The following NTN4 variants were observed in gnomAD, a reference collection of about 807,000 sequenced individuals.
NTN4 encodes the protein netrin-4.
NTN4 carries 32 observed loss-of-function variants against 73.6 expected under a neutral mutation model. The ratio of observed to expected loss-of-function variants is 0.44; its 90% CI spans 0.33 to 0.58. The LOEUF is 0.58. Ranked by LOEUF, NTN4 falls within the 20% of genes least tolerant of loss-of-function variation. NTN4 has a pLI of 0.04. For missense variants in NTN4, 654 were observed against 798.3 expected, an observed-to-expected ratio of 0.82 and a Z score of 2.18; for synonymous variants, 258 against 287.5, an observed-to-expected ratio of 0.90 and a Z score of 1.04.
chr12:95,758,380 G>C (rs959051979), intron 2 of NTN4, among the ~76,000 whole-genome samples: 3 of 152,120 alleles, frequency 2.0e-5, no homozygotes. Flanking sequence ...CTTCTCTGGT[G>C]AAGTGTCTGT....
chr12:95,746,332 T>G (rs376436668), intron 2 of NTN4, among the ~76,000 whole-genome samples: 1 of 152,150 alleles, frequency 6.6e-6, no homozygotes, highest in Non-Finnish European at 1.5e-5. Context: ...CCTGTAACCA[T>G]TTATCCGTTT....
chr12:95,665,792 G>A lies in NTN4; in HGVS notation c.1750+18C>T. 1.3e-6 allele frequency: 2 copies of A among 1,597,508 alleles called. No individual in the cohort carries two copies. The highest frequency in any genetic ancestry group is 1.7e-6 in the Non-Finnish European group (2 of 1,170,714). ...CAGAGACAAGGTAGGTACTAAGATAGGAAAGTCTAATACTCACCAGGATTG... is the reference window on the plus strand; with the variant it reads ...CAGAGACAAGGTAGGTACTAAGATAAGAAAGTCTAATACTCACCAGGATTG... On this transcript the variant is annotated intron_variant, in intron 9 of 9. Transcript: ENST00000343702.
Position 95,695,426 on chromosome 12 carries a change from G to A in NTN4, c.1181-11715C>T, listed in dbSNP as rs565663194. ...GTCGCCCAGGCTGGAGTGCAATGGC[G>A]TGATCTTGGTTTACTGCAACCTCCA... is the stretch of plus-strand genomic sequence containing the variant. On this transcript the variant is annotated intron_variant, in intron 5 of 9. Transcript: ENST00000343702. Among the ~76,000 whole-genome samples, 437 of 152,148 alleles carry A rather than the reference G, an allele frequency of 2.9e-3. 6 individuals carry two copies. The highest frequency in any genetic ancestry group is 0.01 in the African/African-American group (422 of 41,526).
At chr12:95,668,605 C>G (rs2078201299) in intron 8 of NTN4, among the ~76,000 whole-genome samples, 1 of 152,192 alleles carries the variant, frequency 6.6e-6, no homozygotes. Context: ...ACAATGTTAT[C>G]CAGAACCTAA....
In NTN4 at chr12:95,713,332, C is replaced by G; in HGVS notation, c.871G>C (p.Gly291Arg). The change falls in exon 4 of 10, where the codon GGG becomes CGG. Residue 291 changes from glycine to arginine, a missense_variant. Gly to Arg is a moderately radical substitution (Grantham distance 125). Coordinates refer to ENST00000343702, the MANE Select transcript of NTN4 (RefSeq NM_021229.4). ...KAPGTFHMVH[G>R]KCMCKHNTAG... ...GTGTTGTGCTTACACATACACTTCC[C>G]ATGGACCTACAAGCAACATCAAGTG... 6.3e-7 allele frequency: 1 copy of G among 1,591,092 alleles called. No homozygotes were observed. The highest frequency in any genetic ancestry group is 8.6e-7 in the Non-Finnish European group (1 of 1,162,502).
chr12:95,683,251 G>A (rs2078332987), intron 6 of NTN4, among the ~76,000 whole-genome samples: 2 of 152,068 alleles, frequency 1.3e-5, no homozygotes, highest in Non-Finnish European at 2.9e-5. Flanking sequence ...TAGTAGAGAT[G>A]GGGTTTCATC....
intron 5 of NTN4, among the ~76,000 whole-genome samples, chr12:95,686,026 T>C (rs1185156256): frequency 1.3e-5 from 2 of 152,052 alleles, no homozygotes; most frequent in Non-Finnish European, 2.9e-5. Context: ...GCTGGGACTA[T>C]GGGCACATGC....
At chr12:95,670,348 A>G in intron 7 of NTN4, 2 of 406,566 alleles carry the variant, frequency 4.9e-6, no homozygotes, top group Non-Finnish European at 8.7e-6. Flanking sequence ...CCAATAAAGT[A>G]TTCATCCAAG....
At chr12:95,668,617 T>A (rs1416523492) in intron 8 of NTN4, among the ~76,000 whole-genome samples, 3 of 152,256 alleles carry the variant, frequency 2.0e-5, no homozygotes, top group Admixed American at 2.0e-4. Context: ...AGAACCTAAA[T>A]ACTTGGTTTC....
At chr12:95,752,747 C>G (rs1034559225) in intron 2 of NTN4, among the ~76,000 whole-genome samples, 1 of 152,178 alleles carries the variant, frequency 6.6e-6, no homozygotes, top group Non-Finnish European at 1.5e-5. Context: ...AGGACCACAC[C>G]GTGTAGCCTT....
At chr12:95,705,417 A>G (rs2121067928) in intron 5 of NTN4, among the ~76,000 whole-genome samples, 1 of 152,288 alleles carries the variant, frequency 6.6e-6, no homozygotes, top group Middle Eastern at 3.4e-3. Flanking sequence ...AGGCACTTTC[A>G]GCCAACCACT....
rs577192275 is a variant in NTN4 at position 95,728,581 on chromosome 12, G to A, written c.864+9285C>T. On this transcript the variant is annotated intron_variant, in intron 3 of 9. Transcript: ENST00000343702. The stretch of plus-strand genomic sequence containing the variant: ...CTACAGGATTTTTTGCCTCTGTTCA[G>A]CCTATGGAAATACTATGATCCTGTG... Among the ~76,000 whole-genome samples, 16 of 152,282 alleles carry A rather than the reference G, an allele frequency of 1.1e-4. No individual in the cohort carries two copies. The East Asian group carries it at 3.1e-3, about 29-fold the overall frequency.
intron 2 of NTN4, among the ~76,000 whole-genome samples, chr12:95,784,314 GAGAA>G (rs1294478452): frequency 1.3e-5 from 2 of 152,180 alleles, no homozygotes; most frequent in South Asian, 2.1e-4. Flanking sequence ...CCTTGAGTTA[GAGAA>G]AGACTCTTCC....
In NTN4 at chr12:95,776,098, G is replaced by A. The variant is rs1157282978; in HGVS notation, c.585+10841C>T. ...AACTCCAACAGACCTGCAGCTGAGGGTCCTGACTGTTAGAAGGAAAGCTAA... is the reference window on the plus strand; with the variant it reads ...AACTCCAACAGACCTGCAGCTGAGGATCCTGACTGTTAGAAGGAAAGCTAA... On this transcript the variant is annotated intron_variant, in intron 2 of 9. Transcript: ENST00000343702. Among the ~76,000 whole-genome samples the A allele has an allele frequency of 1.3e-5, 2 of 152,338 alleles. 1 individual carries two copies. Among genetic ancestry groups the A allele is most frequent in the Admixed American group, 1.3e-4 (2 of 15,302 alleles).
At chr12:95,725,388 A>G (rs11108217) in intron 3 of NTN4, among the ~76,000 whole-genome samples, 39,575 of 151,976 alleles carry the variant, frequency 0.26, 5,926 homozygotes, top group South Asian at 0.34. Flanking sequence ...AAATGCTGTA[A>G]GGATTATTAA....
chr12:95,711,186 G>A (rs2078562799), intron 4 of NTN4, among the ~76,000 whole-genome samples: 2 of 152,014 alleles, frequency 1.3e-5, no homozygotes, highest in Non-Finnish European at 2.9e-5. Flanking sequence ...TTCTTGTGTA[G>A]CCTTCCAGTT....
chr12:95,725,331 G>A (rs2078684889), intron 3 of NTN4, among the ~76,000 whole-genome samples: 1 of 152,082 alleles, frequency 6.6e-6, no homozygotes, highest in Non-Finnish European at 1.5e-5. Flanking sequence ...TGTCTTCTAG[G>A]ATTTAGAAGT....
In NTN4 at chr12:95,696,852, C is replaced by T. The variant is rs559345022; in HGVS notation, c.1181-13141G>A. On this transcript the variant is annotated intron_variant, in intron 5 of 9. Transcript: ENST00000343702. The stretch of plus-strand genomic sequence containing the variant: ...TCCTATATTTAATGCTTCAGTCAGT[C>T]CAGCTTTATTATTTATTTTTTGTAA... 1.2e-4 allele frequency among the ~76,000 whole-genome samples: 19 copies of T among 152,190 alleles called. No individual in the cohort carries two copies. In the South Asian group the frequency reaches 4.0e-3, roughly 32 times the overall value.
chr12:95,661,235 A>C (rs1176889616), intron 9 of NTN4, among the ~76,000 whole-genome samples: 2 of 152,244 alleles, frequency 1.3e-5, no homozygotes, highest in African/African-American at 4.8e-5. Flanking sequence ...GAAGGAATGT[A>C]GCATTTATCC....
Sources: allele counts gnomAD v4.1 joint callset (sites outside exome capture counted in the v4.1 genomes callset), GRCh38; gene constraint gnomAD v4.1.1; transcripts MANE v1.5; gene names NCBI Gene and HGNC (gene_info 2026-07-23, HGNC 2026-07-21).